MFAP2: variants seen among roughly 807,000 people sequenced by gnomAD.
MFAP2 encodes microfibrillar-associated protein 2.
In MFAP2, 23 loss-of-function variants were observed where a neutral mutation model predicts 30.6. That is an observed-to-expected ratio of 0.75 (90% CI 0.54 to 1.07). The LOEUF (loss-of-function observed/expected upper bound fraction) is 1.07. MFAP2 is among the 50% of genes least tolerant of loss of function. The probability of loss-of-function intolerance (pLI) is 0.00; values close to 1 mark genes in which losing one functional copy is unlikely to be tolerated. For synonymous variants in MFAP2, 73 were observed against 85.7 expected (o/e 0.85, Z 0.82); for missense variants, 198 against 223.8 (o/e 0.88, Z 0.74).
chr1:16,975,161 G>T lies in MFAP2; in HGVS notation c.448+108C>A. The stretch of plus-strand genomic sequence containing the variant: ...GGGAGCTCAGGGTGTCCTGGAAGTG[G>T]GCCTGGTGGATAATATGTGTTGAAT... On this transcript the variant is annotated intron_variant, in intron 8 of 8. Transcript: ENST00000375535. This position sits in a 1 kb window ranked among gnomAD's most constrained non-coding sequence, Gnocchi z 5.0. 1.6e-6 allele frequency: 2 copies of T among 1,282,528 alleles called. No homozygotes were observed. Among genetic ancestry groups the T allele is most frequent in the East Asian group, 2.4e-5 (1 of 41,442 alleles). 79.4% of individuals were successfully genotyped at this position (1,282,528 alleles called of 1,614,324 possible).
rs552525077 is a variant in MFAP2 at position 16,976,069 on chromosome 1, C to T, written c.287-339G>A. ...ATAGGAGCGCTCACACCAACCCACA[C>T]GAGAGTGAGCACACGGATTCTCCTG... On this transcript the variant is annotated intron_variant, in intron 6 of 8. Coordinates refer to ENST00000375535, the MANE Select transcript of MFAP2 (RefSeq NM_002403.4). The surrounding 1 kb of genome is among the most constrained non-coding windows in gnomAD (Gnocchi z 5.5). 9 of 461,182 alleles carry T rather than the reference C, an allele frequency of 2.0e-5. No individual in the cohort carries two copies. The highest frequency in any genetic ancestry group is 1.7e-4 in the South Asian group (7 of 42,060). 28.6% of individuals were successfully genotyped at this position (461,182 alleles called of 1,614,324 possible).
In MFAP2 at chr1:16,975,521, G is replaced by C; in HGVS notation, c.374+122C>G. The C allele has an allele frequency of 8.0e-7, 1 of 1,252,150 alleles. No homozygotes were observed. The highest frequency in any genetic ancestry group is 1.5e-5 in the African/African-American group (1 of 67,436). The allele number at this position is 1,252,150 out of a possible 1,614,324, so 77.6% of individuals were successfully genotyped here. On this transcript the variant is annotated intron_variant, in intron 7 of 8. Coordinates refer to ENST00000375535, the MANE Select transcript of MFAP2 (RefSeq NM_002403.4). This position sits in a 1 kb window ranked among gnomAD's most constrained non-coding sequence, Gnocchi z 5.0. The stretch of plus-strand genomic sequence containing the variant: ...GGCCCAGGCTCAACCACAGAACTGA[G>C]CTCAACTTAAGGACTCACTATCTTT...
At chr1:16,978,393 G>A (rs1057366783) in intron 1 of MFAP2, 79 bp from the exon 2 acceptor site, 22 of 1,252,046 alleles carry the variant, frequency 1.8e-5, no homozygotes, top group Middle Eastern at 2.6e-4. Context: ...CCCTGATTTC[G>A]CCCTGGAGAA....
chr1:16,981,446 C>A (rs1453406385), upstream of MFAP2, among the ~76,000 whole-genome samples: 2 of 152,212 alleles, frequency 1.3e-5, no homozygotes, highest in African/African-American at 4.8e-5. Context: ...CCGCAGCCTT[C>A]CATTACCCAG....
In MFAP2 at chr1:16,975,181, T is replaced by G; in HGVS notation, c.448+88A>C. The G allele has an allele frequency of 7.3e-7, 1 of 1,364,076 alleles. No individual in the cohort carries two copies. The highest frequency in any genetic ancestry group is 1.0e-6 in the Non-Finnish European group (1 of 967,330). 84.5% of individuals were successfully genotyped at this position (1,364,076 alleles called of 1,614,324 possible). On this transcript the variant is annotated intron_variant, in intron 8 of 8. Transcript: ENST00000375535. This position sits in a 1 kb window ranked among gnomAD's most constrained non-coding sequence, Gnocchi z 5.0. ...AAGTGGGCCTGGTGGATAATATGTG[T>G]TGAATAAACATCAGGTGGGTGGCTA...
Position 16,975,067 on chromosome 1 carries a change from G to A in MFAP2, c.449-44C>T, listed in dbSNP as rs1026139069. ...AGGCAGGGTCAGGGTGGAGCTGGGTGATGGGAACCGCTGCCCCTCCCCCAA... is the reference window on the plus strand; with the variant it reads ...AGGCAGGGTCAGGGTGGAGCTGGGTAATGGGAACCGCTGCCCCTCCCCCAA... On this transcript the variant is annotated intron_variant, in intron 8 of 8. Transcript: ENST00000375535. The surrounding 1 kb of genome is among the most constrained non-coding windows in gnomAD (Gnocchi z 5.0). The A allele has an allele frequency of 3.1e-5, 36 of 1,153,166 alleles. No individual in the cohort carries two copies. The highest frequency in any genetic ancestry group is 4.6e-5 in the African/African-American group (3 of 65,272). The allele number at this position is 1,153,166 out of a possible 1,614,324, so 71.4% of individuals were successfully genotyped here.
chr1:16,976,690 G>A lies in MFAP2; in HGVS notation c.241+18C>T, dbSNP rs944963824. On this transcript the variant is annotated intron_variant, in intron 5 of 8. Transcript: ENST00000375535. This position sits in a 1 kb window ranked among gnomAD's most constrained non-coding sequence, Gnocchi z 5.5. ...GAGGCAGGAGCTGAGACGGGTGGGA[G>A]CAGGGTCTGGGGCCTACCTGGGGTT... The A allele has an allele frequency of 3.7e-6, 6 of 1,613,110 alleles. No homozygotes were observed. The highest frequency in any genetic ancestry group is 5.1e-6 in the Non-Finnish European group (6 of 1,179,318).
chr1:16,977,115 G>A lies in MFAP2; in HGVS notation c.121C>T (p.Gln41Ter). 6.2e-7 allele frequency: 1 copy of A among 1,613,928 alleles called. No homozygotes were observed. The highest frequency in any genetic ancestry group is 2.2e-5 in the East Asian group (1 of 44,864). ...GACCCGGCAAGGCCCTTACCGATCTGGTCGCTATAGTGGGTGTACTGGACG... is the reference window on the plus strand; with the variant it reads ...GACCCGGCAAGGCCCTTACCGATCTAGTCGCTATAGTGGGTGTACTGGACG... ...DHVQYTHYSD[Q>*]IDNPDYYDYQ... Residue 41 changes from glutamine (Q) to a stop codon, truncating the protein, a stop_gained, in exon 3 of 9, where the codon CAG becomes TAG. Coordinates refer to ENST00000375535, the MANE Select transcript of MFAP2 (RefSeq NM_002403.4). LOFTEE classifies it high-confidence loss of function.
Position 16,975,801 on chromosome 1 carries a change from G to C in MFAP2, c.287-71C>G, listed in dbSNP as rs1021052449. The C allele has an allele frequency of 7.4e-7, 1 of 1,346,688 alleles. No individual in the cohort carries two copies. The allele number at this position is 1,346,688 out of a possible 1,614,324, so 83.4% of individuals were successfully genotyped here. Reference sequence around the variant, plus strand: ...CCCCCAGCCTCACCCACCTGAGGCTGGCTCACAGGGCCTAGTCCCCCCTGT... The same window carrying C: ...CCCCCAGCCTCACCCACCTGAGGCTCGCTCACAGGGCCTAGTCCCCCCTGT... On this transcript the variant is annotated intron_variant, in intron 6 of 8. Coordinates refer to ENST00000375535, the MANE Select transcript of MFAP2 (RefSeq NM_002403.4). The surrounding 1 kb of genome is among the most constrained non-coding windows in gnomAD (Gnocchi z 5.0).
chr1:16,977,617 A>C lies in MFAP2; in HGVS notation c.38-419T>G, dbSNP rs1228729995. On this transcript the variant is annotated intron_variant, in intron 2 of 8. Coordinates refer to ENST00000375535, the MANE Select transcript of MFAP2 (RefSeq NM_002403.4). The stretch of plus-strand genomic sequence containing the variant: ...CTGTCCAGCACTCAGCACATGCTGG[A>C]GTTTCTCATGTCTGCTTGTTTCCTA... The C allele has an allele frequency of 2.1e-5, 4 of 186,858 alleles. No homozygotes were observed. The Admixed American group carries it at 2.2e-4, about 10-fold the overall frequency. The allele number at this position is 186,858 out of a possible 1,614,324, so 11.6% of individuals were successfully genotyped here. A position where few individuals can be genotyped will look rare whatever the true frequency, so the allele number is the denominator to read the frequency against.
chr1:16,976,538 T>C lies in MFAP2; in HGVS notation c.249A>G (p.Gly83=). 1 of 1,614,206 alleles carries C rather than the reference T, an allele frequency of 6.2e-7. No homozygotes were observed. The highest frequency in any genetic ancestry group is 8.5e-7 in the Non-Finnish European group (1 of 1,180,022). The change falls in exon 6 of 9, where the codon GGA becomes GGG. Residue 83 remains glycine, a synonymous_variant. Transcript: ENST00000375535. The surrounding 1 kb of genome is among the most constrained non-coding windows in gnomAD (Gnocchi z 5.5). The stretch of plus-strand genomic sequence containing the variant: ...GCTCTGTGGGCTCCAGCTCTGCATT[T>C]CCTGGTTCTGGTGTGGAGACAGAGG... ...EVIPAPTPEP[G]NAELEPTEPG... is the part of the protein sequence containing the mutation.
chr1:16,979,852 A>G (rs1426141622), intron 1 of MFAP2, among the ~76,000 whole-genome samples: 1 of 152,166 alleles, frequency 6.6e-6, no homozygotes, highest in African/African-American at 2.4e-5. Context: ...GGGAGGCAGG[A>G]AAGAGAGAAG....
intron 3 of MFAP2, 57 bp downstream of exon 3, chr1:16,977,052 T>C (rs1229051389): frequency 1.2e-6 from 2 of 1,612,852 alleles, no homozygotes; most frequent in Non-Finnish European, 8.5e-7. Flanking sequence ...GTGCGGTCCC[T>C]GGCTGAGCCA....
chr1:16,976,800 G>A lies in MFAP2; in HGVS notation c.155-6C>T. On this transcript the variant is annotated splice_polypyrimidine_tract_variant and splice_region_variant and intron_variant, in intron 4 of 8. Coordinates refer to ENST00000375535, the MANE Select transcript of MFAP2 (RefSeq NM_002403.4). This position sits in a 1 kb window ranked among gnomAD's most constrained non-coding sequence, Gnocchi z 5.5. ...GGAGGGCCGAGGAGTCACCTCTGCA[G>A]CCAGGGGAGGATAAGGGGGTCTGCT... The A allele has an allele frequency of 6.2e-7, 1 of 1,614,070 alleles. No individual in the cohort carries two copies. The highest frequency in any genetic ancestry group is 1.1e-5 in the South Asian group (1 of 91,078).
rs74058355 is a variant in MFAP2 at position 16,975,813 on chromosome 1, C to T, written c.287-83G>A. 9.3e-3 allele frequency: 10,870 copies of T among 1,172,324 alleles called. 694 individuals are homozygous for T. The African/African-American group carries it at 0.14, about 15-fold the overall frequency. 72.6% of individuals were successfully genotyped at this position (1,172,324 alleles called of 1,614,324 possible). A position where few individuals can be genotyped will look rare whatever the true frequency, so the allele number is the denominator to read the frequency against. On this transcript the variant is annotated intron_variant, in intron 6 of 8. Transcript: ENST00000375535. The surrounding 1 kb of genome is among the most constrained non-coding windows in gnomAD (Gnocchi z 5.0). The stretch of plus-strand genomic sequence containing the variant: ...CCCACCTGAGGCTGGCTCACAGGGC[C>T]TAGTCCCCCCTGTACCTTCAGGCCC...
chr1:16,975,318 G>A lies in MFAP2; in HGVS notation c.399C>T (p.Asn133=). Residue 133 remains asparagine, a synonymous_variant, in exon 8 of 9, where the codon AAC becomes AAT. Transcript: ENST00000375535. This position sits in a 1 kb window ranked among gnomAD's most constrained non-coding sequence, Gnocchi z 5.0. Reference sequence around the variant, plus strand: ...ACACTGTACGAACACAGATCTCCTTGTTAATGACGTACACACGGCGGAGGC... The same window carrying A: ...ACACTGTACGAACACAGATCTCCTTATTAATGACGTACACACGGCGGAGGC... ...FYSLRRVYVI[N]KEICVRTVCA... 6.2e-7 allele frequency: 1 copy of A among 1,614,024 alleles called. No homozygotes were observed. Among genetic ancestry groups the A allele is most frequent in the Non-Finnish European group, 8.5e-7 (1 of 1,179,934 alleles).
chr1:16,977,322 A>G, intron 2 of MFAP2, 124 bp from the exon 3 acceptor site: 2 of 819,750 alleles, frequency 2.4e-6, no homozygotes, highest in Non-Finnish European at 3.8e-6. Context: ...CCCCACAAGC[A>G]GATTCCTAGA....
At position 16,975,600 on chromosome 1, in the gene MFAP2, C is replaced by T. The variant is rs1167726425; in HGVS notation, c.374+43G>A. The T allele has an allele frequency of 1.3e-6, 2 of 1,593,908 alleles. No homozygotes were observed. Among genetic ancestry groups the T allele is most frequent in the African/African-American group, 2.7e-5 (2 of 74,400 alleles). ...GCTGTCCCCTGTGCCCTCTAGCCCCCCATGCTCCGGAATCCTCCCGACAGC... is the reference window on the plus strand; with the variant it reads ...GCTGTCCCCTGTGCCCTCTAGCCCCTCATGCTCCGGAATCCTCCCGACAGC... On this transcript the variant is annotated intron_variant, in intron 7 of 8. Transcript: ENST00000375535. The surrounding 1 kb of genome is among the most constrained non-coding windows in gnomAD (Gnocchi z 5.0).
Position 16,975,201 on chromosome 1 carries a change from T to G in MFAP2, c.448+68A>C. The G allele has an allele frequency of 6.9e-7, 1 of 1,458,094 alleles. No individual in the cohort carries two copies. The allele number at this position is 1,458,094 out of a possible 1,614,324, so 90.3% of individuals were successfully genotyped here. ...ATGTGTTGAATAAACATCAGGTGGG[T>G]GGCTAGGTGGCCAGATAATGATGCG... On this transcript the variant is annotated intron_variant, in intron 8 of 8. Transcript: ENST00000375535. This position sits in a 1 kb window ranked among gnomAD's most constrained non-coding sequence, Gnocchi z 5.0.
Sources: allele counts gnomAD v4.1 joint callset (sites outside exome capture counted in the v4.1 genomes callset), GRCh38; gene constraint gnomAD v4.1.1; non-coding constraint Gnocchi (gnomAD v3.1); transcripts MANE v1.5; gene names NCBI Gene and HGNC (gene_info 2026-07-23, HGNC 2026-07-21).